Variants in RXRA observed in about 807,000 individuals in gnomAD.
The protein encoded by RXRA is retinoic acid receptor RXR-alpha.
Under a neutral mutation model 44.5 loss-of-function variants are expected in RXRA, and 5 were observed. The observed-to-expected ratio is 0.11, with a 90% confidence interval of 0.06 to 0.24. RXRA has a LOEUF of 0.24. Ranked by LOEUF, RXRA falls within the 10% of genes least tolerant of loss-of-function variation. RXRA has a pLI of 1.00. For missense variants in RXRA, 412 were observed against 646.5 expected (o/e 0.64, Z 3.93); for synonymous variants, 291 against 271.4 (o/e 1.07, Z -0.71).
At position 134,434,026 on chromosome 9, in the gene RXRA, C is replaced by T. The variant is rs34630192; in HGVS notation, c.1136-76C>T. On this transcript the variant is annotated intron_variant, in intron 8 of 9. Transcript: ENST00000481739. ...GTGGGGCAGCCTGGGAGACCCCACA[C>T]AAGCCTGGGTCCTGGGGGCAGGTGC... The T allele has an allele frequency of 2.2e-3, 2,434 of 1,126,066 alleles. 28 individuals carry two copies. The African/African-American group carries it at 0.03, about 14-fold the overall frequency. The allele number at this position is 1,126,066 out of a possible 1,614,324, so 69.8% of individuals were successfully genotyped here.
At chr9:134,420,388 T>C (rs957161027) in intron 5 of RXRA, among the ~76,000 whole-genome samples, 1 of 152,172 alleles carries the variant, frequency 6.6e-6, no homozygotes, top group African/African-American at 2.4e-5. Context: ...GGAAGGTTTG[T>C]GGAGGAATGA....
intron 7 of RXRA, among the ~76,000 whole-genome samples, chr9:134,430,678 A>T (rs982455647): frequency 6.6e-6 from 1 of 152,144 alleles, no homozygotes; most frequent in African/African-American, 2.4e-5. Flanking sequence ...TGCAGTGTGT[A>T]TTGCCCACAG....
intron 1 of RXRA, among the ~76,000 whole-genome samples, chr9:134,339,147 C>G (rs1554747747): frequency 6.6e-6 from 1 of 152,256 alleles, no homozygotes. Flanking sequence ...CCCTGCCTCC[C>G]TGTGCCCTGT....
At chr9:134,373,984 G>A (rs941505196) in intron 1 of RXRA, 1 of 152,302 alleles carries the variant, frequency 6.6e-6, no homozygotes, top group Non-Finnish European at 1.5e-5. Context: ...CTCCCAGCCT[G>A]GTTTTTCTCT....
rs1429266231 is a variant in RXRA, at chr9:134,438,962, A to T, written c.*2348A>T. 6.6e-6 allele frequency: 1 copy of T among 152,240 alleles called. No individual in the cohort carries two copies. Among genetic ancestry groups the T allele is most frequent in the Non-Finnish European group, 1.5e-5 (1 of 68,084 alleles). The allele number at this position is 152,240 out of a possible 1,614,324, so 9.4% of individuals were successfully genotyped here. On this transcript the variant is annotated 3_prime_UTR_variant, in exon 10 of 10. Transcript: ENST00000481739. ...ACCCACCGCTCTACGTGTCCCGGGC[A>T]CTTCCCGCAGCCTTCCCGTCCCTTT...
chr9:134,390,416 T>G (rs1293822317), intron 1 of RXRA, among the ~76,000 whole-genome samples: 5 of 152,172 alleles, frequency 3.3e-5, no homozygotes, highest in Admixed American at 6.5e-5. Flanking sequence ...GCCCCCAGTC[T>G]GGGACAGTGG....
At chr9:134,385,652 C>A (rs1056365373) in intron 1 of RXRA, among the ~76,000 whole-genome samples, 5 of 152,204 alleles carry the variant, frequency 3.3e-5, no homozygotes, top group Admixed American at 6.5e-5. Context: ...CGGTGGTGGC[C>A]CCCGAACAAT....
chr9:134,338,974 C>G (rs542928597), intron 1 of RXRA, among the ~76,000 whole-genome samples: 1 of 152,384 alleles, frequency 6.6e-6, no homozygotes, highest in East Asian at 1.9e-4. Context: ...GTTGTCACCA[C>G]TGCTGTCTGC....
intron 6 of RXRA, chr9:134,422,714 A>G (rs904928762): frequency 9.1e-6 from 9 of 985,266 alleles, no homozygotes; most frequent in African/African-American, 8.7e-5. Flanking sequence ...TATGTACTCT[A>G]TGGGACTGTT....
chr9:134,378,964 C>T (rs1370895362), intron 1 of RXRA, among the ~76,000 whole-genome samples: 1 of 152,218 alleles, frequency 6.6e-6, no homozygotes, highest in East Asian at 1.9e-4. Context: ...CTGCTGTCCT[C>T]GGGTGGGAAC....
At chr9:134,360,165 C>A (rs538747418) in intron 1 of RXRA, among the ~76,000 whole-genome samples, 2 of 152,328 alleles carry the variant, frequency 1.3e-5, no homozygotes, top group South Asian at 4.2e-4. Flanking sequence ...TGGGGTGGGC[C>A]AGGATCCCTG....
intron 2 of RXRA, chr9:134,403,892 C>T (rs1831005718): frequency 6.6e-6 from 1 of 152,298 alleles, no homozygotes; most frequent in African/African-American, 2.4e-5. Flanking sequence ...CGTTCCCTGC[C>T]CGGCCGCTGT....
rs141273863 is a variant in RXRA at position 134,420,547 on chromosome 9, C to T, written c.781-1129C>T. 4.8e-3 allele frequency among the ~76,000 whole-genome samples: 738 copies of T among 152,360 alleles called. 9 individuals are homozygous for T. The highest frequency in any genetic ancestry group is 0.017 in the African/African-American group (698 of 41,574). On this transcript the variant is annotated intron_variant, in intron 5 of 9. Transcript: ENST00000481739. ...GTGCCATTCCTCGGGGGCCTTCTCACTCCGCCCTCAGAGGCCTTTCCCGCC... is the reference window on the plus strand; with the variant it reads ...GTGCCATTCCTCGGGGGCCTTCTCATTCCGCCCTCAGAGGCCTTTCCCGCC...
rs9615 is a variant in RXRA, at chr9:134,439,679, G to C, written c.*3065G>C. On this transcript the variant is annotated 3_prime_UTR_variant, in exon 10 of 10. Coordinates refer to ENST00000481739, the MANE Select transcript of RXRA (RefSeq NM_002957.6). ...GTAGTCGGCTGGTGTCCCTGTCGTG[G>C]AGCTGGGGTGCGTGATCTGGTGCTC... 4,294 of 152,934 alleles carry C rather than the reference G, an allele frequency of 0.028. 84 individuals are homozygous for C. The highest frequency in any genetic ancestry group is 0.047 in the Middle Eastern group (14 of 296). The allele number at this position is 152,934 out of a possible 1,614,324, so 9.5% of individuals were successfully genotyped here.
At chr9:134,399,498 G>T (rs896046618) in intron 1 of RXRA, among the ~76,000 whole-genome samples, 6 of 152,226 alleles carry the variant, frequency 3.9e-5, no homozygotes, top group Non-Finnish European at 7.3e-5. Flanking sequence ...GCTCCTAGCT[G>T]TTCTCTCCCT....
chr9:134,367,202 C>T (rs1034477587), intron 1 of RXRA, among the ~76,000 whole-genome samples: 1 of 152,156 alleles, frequency 6.6e-6, no homozygotes, highest in African/African-American at 2.4e-5. Context: ...TGCAGTGCCC[C>T]GCCTGACCCC....
At chr9:134,358,216 G>C (rs1830305537) in intron 1 of RXRA, among the ~76,000 whole-genome samples, 1 of 152,234 alleles carries the variant, frequency 6.6e-6, no homozygotes, top group Non-Finnish European at 1.5e-5. Context: ...TGCCTGCACA[G>C]TCCTTGGGCC....
chr9:134,379,915 G>A, intron 1 of RXRA: 1 of 985,304 alleles, frequency 1.0e-6, no homozygotes, highest in South Asian at 4.7e-5. Context: ...GAGGCCTGCT[G>A]GTCTCTGGGT....
rs150100176 is a variant in RXRA at position 134,410,141 on chromosome 9, G to A, written c.610+1022G>A. Among the ~76,000 whole-genome samples, 1,080 of 152,364 alleles carry A rather than the reference G, an allele frequency of 7.1e-3. 9 individuals are homozygous for A. Among genetic ancestry groups the A allele is most frequent in the Non-Finnish European group, 9.9e-3 (672 of 68,040 alleles). Reference sequence around the variant, plus strand: ...GTCCTGTTGAGAAATCAGAGCCTCTGCCAGGCGCCGTGCTCCTGGAGGGTG... The same window carrying A: ...GTCCTGTTGAGAAATCAGAGCCTCTACCAGGCGCCGTGCTCCTGGAGGGTG... On this transcript the variant is annotated intron_variant, in intron 4 of 9. Coordinates refer to ENST00000481739, the MANE Select transcript of RXRA (RefSeq NM_002957.6).
Sources: gnomAD v4.1 joint callset for allele counts (sites outside exome capture counted in the v4.1 genomes callset) on GRCh38, gnomAD v4.1.1 for gene constraint, MANE v1.5 for transcripts, NCBI Gene and HGNC (gene_info 2026-07-23, HGNC 2026-07-21) for gene names.